The following NEGR1 variants were observed in gnomAD, a reference collection of about 807,000 sequenced individuals.
NEGR1 encodes IgLON family member 4.
Under a neutral mutation model 40.9 loss-of-function variants are expected in NEGR1, and 10 were observed. The ratio of observed to expected loss-of-function variants is 0.24; its 90% CI spans 0.15 to 0.42. The LOEUF (loss-of-function observed/expected upper bound fraction) is 0.42, where lower values mean the gene tolerates loss of function less well. NEGR1 is among the 10% of genes least tolerant of loss of function. The pLI is 1.00. For missense variants in NEGR1, 352 were observed against 438.9 expected (o/e 0.80, Z 1.77); for synonymous variants, 185 against 166.8 (o/e 1.11, Z -0.84).
At chr1:72,193,176 T>C (rs1470310889) in intron 1 of NEGR1, among the ~76,000 whole-genome samples, 1 of 151,824 alleles carries the variant, frequency 6.6e-6, no homozygotes, top group African/African-American at 2.4e-5. Context: ...GATGATTGAA[T>C]GTGTACAGCT....
chr1:71,556,362 T>C (rs1041294139), intron 6 of NEGR1, among the ~76,000 whole-genome samples: 1 of 151,450 alleles, frequency 6.6e-6, no homozygotes, highest in Non-Finnish European at 1.5e-5. Context: ...AAAAGTTTGC[T>C]GAAGAGAGAG....
intron 2 of NEGR1, among the ~76,000 whole-genome samples, chr1:71,857,499 A>C (rs1333365790): frequency 6.7e-6 from 1 of 150,070 alleles, no homozygotes; most frequent in African/African-American, 2.4e-5. Flanking sequence ...TTGGTGGCAC[A>C]CACCTATAGT....
At chr1:72,269,463 A>C (rs1655769730) in intron 1 of NEGR1, among the ~76,000 whole-genome samples, 1 of 151,678 alleles carries the variant, frequency 6.6e-6, no homozygotes, top group Non-Finnish European at 1.5e-5. Context: ...AAAAAGCTTC[A>C]GGACATATTG....
intron 1 of NEGR1, among the ~76,000 whole-genome samples, chr1:72,054,393 G>C (rs1301251360): frequency 1.3e-5 from 2 of 151,172 alleles, no homozygotes; most frequent in South Asian, 2.1e-4. Flanking sequence ...TGAGCCTTCA[G>C]TGTTAGACTG....
intron 1 of NEGR1, among the ~76,000 whole-genome samples, chr1:72,251,921 G>T (rs779606997): frequency 9.9e-5 from 15 of 152,132 alleles, no homozygotes; most frequent in Non-Finnish European, 1.6e-4. Flanking sequence ...GATCAGAGAA[G>T]ACAGTTTTCT....
chr1:72,091,675 G>A (rs1648506314), intron 1 of NEGR1, among the ~76,000 whole-genome samples: 1 of 152,132 alleles, frequency 6.6e-6, no homozygotes, highest in African/African-American at 2.4e-5. Context: ...AAACTTTACA[G>A]AGGGAGTTTA....
intron 3 of NEGR1, among the ~76,000 whole-genome samples, chr1:71,765,990 A>T (rs951619499): frequency 6.6e-6 from 1 of 152,112 alleles, no homozygotes; most frequent in Non-Finnish European, 1.5e-5. Context: ...CCTGACCAAC[A>T]TGGTGAAACC....
At chr1:71,836,446 A>G (rs1659032420) in intron 2 of NEGR1, among the ~76,000 whole-genome samples, 1 of 141,112 alleles carries the variant, frequency 7.1e-6, no homozygotes, top group African/African-American at 2.6e-5. Context: ...AAACAAAAAA[A>G]CAAAAAAAAC....
chr1:72,266,724 AACACACACACACACACACACACACACAC>A (rs3082237), intron 1 of NEGR1, among the ~76,000 whole-genome samples: 1 of 133,726 alleles, frequency 7.5e-6, no homozygotes, highest in African/African-American at 2.7e-5. Flanking sequence ...TAGACAGATA[AACACACACACACACACACACACACACAC>A]ACACACACAC....
At chr1:72,208,311 A>G (rs562312562) in intron 1 of NEGR1, among the ~76,000 whole-genome samples, 97 of 151,902 alleles carry the variant, frequency 6.4e-4, no homozygotes, top group South Asian at 2.1e-4. Context: ...CAGAGCAACT[A>G]TACCATTAGT....
At chr1:71,687,466 GC>G (rs1653077601) in intron 4 of NEGR1, among the ~76,000 whole-genome samples, 1 of 152,166 alleles carries the variant, frequency 6.6e-6, no homozygotes, top group African/African-American at 2.4e-5. Flanking sequence ...CTGTGTAGCA[GC>G]AAGCAGGCTG....
In NEGR1 at chr1:72,121,795, C is replaced by T. The variant is rs186876721; in HGVS notation, c.176+160524G>A. ...GAGTCGATATACATAAAAGTGCAAA[C>T]ATTTGTTGTAACTTTCTGAGGTGAA... On this transcript the variant is annotated intron_variant, in intron 1 of 6. Coordinates refer to ENST00000357731, the MANE Select transcript of NEGR1 (RefSeq NM_173808.3). Among the ~76,000 whole-genome samples, 13 of 152,104 alleles carry T rather than the reference C, an allele frequency of 8.5e-5. No homozygotes were observed. In the East Asian group the frequency reaches 2.1e-3, roughly 25 times the overall value.
chr1:72,026,965 G>A (rs1646816243), intron 1 of NEGR1, among the ~76,000 whole-genome samples: 1 of 151,322 alleles, frequency 6.6e-6, no homozygotes, highest in Non-Finnish European at 1.5e-5. Context: ...TTGCTCTGTC[G>A]CCCAGGCTGG....
intron 2 of NEGR1, among the ~76,000 whole-genome samples, chr1:71,929,032 T>G (rs951420214): frequency 1.3e-5 from 2 of 152,138 alleles, no homozygotes; most frequent in Non-Finnish European, 2.9e-5. Flanking sequence ...CTTAAATATT[T>G]GAGATCACTT....
intron 1 of NEGR1, among the ~76,000 whole-genome samples, chr1:71,947,089 T>TAC (rs3078155): frequency 0.04 from 5,212 of 128,972 alleles, 134 homozygotes; most frequent in African/African-American, 0.068. Flanking sequence ...TCCTGTCTCA[T>TAC]ACACACACAC....
chr1:71,465,666 T>G lies in NEGR1; in HGVS notation c.941-58096A>C, dbSNP rs148517130. Among the ~76,000 whole-genome samples the G allele has an allele frequency of 9.4e-3, 1,436 of 152,122 alleles. 22 individuals carry two copies. The highest frequency in any genetic ancestry group is 0.021 in the South Asian group (103 of 4,822). On this transcript the variant is annotated intron_variant, in intron 6 of 6. Transcript: ENST00000357731. ...ATTACTAGTACCTTAAAGTCTAGCT[T>G]TCTTACTGGAGTGATGTTTGGAGAG...
chr1:71,585,158 A>G (rs1327411079), intron 6 of NEGR1, among the ~76,000 whole-genome samples: 3 of 152,186 alleles, frequency 2.0e-5, no homozygotes, highest in Non-Finnish European at 4.4e-5. Flanking sequence ...AATAACAAAA[A>G]TATACAGAAG....
chr1:72,144,646 T>C (rs1418169166), intron 1 of NEGR1, among the ~76,000 whole-genome samples: 1 of 152,028 alleles, frequency 6.6e-6, no homozygotes, highest in East Asian at 1.9e-4. Context: ...TGTTTAGATT[T>C]TGAACACTTT....
intron 2 of NEGR1, among the ~76,000 whole-genome samples, chr1:71,845,567 C>T (rs1372442553): frequency 6.6e-6 from 1 of 152,118 alleles, no homozygotes; most frequent in African/African-American, 2.4e-5. Flanking sequence ...CTATCATGTC[C>T]TATTCTAAAC....
Sources: gnomAD v4.1 joint callset for allele counts (sites outside exome capture counted in the v4.1 genomes callset) on GRCh38, gnomAD v4.1.1 for gene constraint, MANE v1.5 for transcripts, NCBI Gene and HGNC (gene_info 2026-07-23, HGNC 2026-07-21) for gene names.